PABPC4L: variants seen among roughly 807,000 people sequenced by gnomAD.
PABPC4L encodes polyadenylate-binding protein 4-like.
For missense variants in PABPC4L, 452 were observed against 451.4 expected, an observed-to-expected ratio of 1.00 and a Z score of -0.01; for synonymous variants, 169 against 164.1, an observed-to-expected ratio of 1.03 and a Z score of -0.23.
chr4:133,988,391 A>T, the PABPC4L span, among the ~76,000 whole-genome samples: 1 of 152,222 alleles, frequency 6.6e-6, no homozygotes, highest in African/African-American at 2.4e-5. Context: ...GGGTACAGGT[A>T]TTGGGTAAAT....
the PABPC4L span, among the ~76,000 whole-genome samples, chr4:133,960,857 A>G: frequency 1.3e-5 from 2 of 151,740 alleles, no homozygotes; most frequent in African/African-American, 4.8e-5. Context: ...TAGGTACACA[A>G]CTCCATTGAC....
chr4:134,085,146 C>G, the PABPC4L span, among the ~76,000 whole-genome samples: 1 of 152,026 alleles, frequency 6.6e-6, no homozygotes, highest in Non-Finnish European at 1.5e-5. Flanking sequence ...TCATGTGGGA[C>G]CAGCAGTCCA....
chr4:133,958,767 T>C, the PABPC4L span, among the ~76,000 whole-genome samples: 2 of 152,156 alleles, frequency 1.3e-5, no homozygotes, highest in Non-Finnish European at 2.9e-5. Context: ...AGAATTCACT[T>C]ACTATCACAA....
chr4:134,015,308 A>C, the PABPC4L span, among the ~76,000 whole-genome samples: 9 of 152,094 alleles, frequency 5.9e-5, no homozygotes, highest in African/African-American at 2.2e-4. Context: ...TCAGGATCTG[A>C]GCCTTATCAA....
At chr4:133,968,896 T>C in the PABPC4L span, among the ~76,000 whole-genome samples, 1 of 152,184 alleles carries the variant, frequency 6.6e-6, no homozygotes, top group Admixed American at 6.5e-5. Context: ...TTTTCATTTA[T>C]AAAATATGCA....
the PABPC4L span, among the ~76,000 whole-genome samples, chr4:133,978,578 G>T: frequency 6.6e-6 from 1 of 151,794 alleles, no homozygotes; most frequent in Non-Finnish European, 1.5e-5. Flanking sequence ...TGTGTGTGTT[G>T]TGTGTATCTC....
At chr4:133,998,251 T>C in the PABPC4L span, among the ~76,000 whole-genome samples, 2 of 151,938 alleles carry the variant, frequency 1.3e-5, no homozygotes, top group Non-Finnish European at 2.9e-5. Context: ...CTTCAGAATA[T>C]GATATATTTA....
chr4:134,084,856 A>G, the PABPC4L span, among the ~76,000 whole-genome samples: 1 of 152,114 alleles, frequency 6.6e-6, no homozygotes, highest in Non-Finnish European at 1.5e-5. Flanking sequence ...GAATCTCATC[A>G]CAAGACAGGG....
chr4:134,124,875 G>A, the PABPC4L span, among the ~76,000 whole-genome samples: 1 of 152,024 alleles, frequency 6.6e-6, no homozygotes. Flanking sequence ...TGTCAGGCAG[G>A]TACTGATAGT....
the PABPC4L span, among the ~76,000 whole-genome samples, chr4:134,127,564 G>A: frequency 6.6e-6 from 1 of 152,078 alleles, no homozygotes; most frequent in Non-Finnish European, 1.5e-5. Flanking sequence ...AATCACATCA[G>A]TATGGCTCTC....
chr4:134,099,425 C>CA, the PABPC4L span, among the ~76,000 whole-genome samples: 3 of 151,634 alleles, frequency 2.0e-5, no homozygotes, highest in East Asian at 3.9e-4. Flanking sequence ...TCCTCATTTA[C>CA]AAAAAAACTG....
At chr4:134,083,123 A>G in the PABPC4L span, among the ~76,000 whole-genome samples, 1 of 152,172 alleles carries the variant, frequency 6.6e-6, no homozygotes. Context: ...AATTGTTAAG[A>G]ACCTACTATT....
the PABPC4L span, among the ~76,000 whole-genome samples, chr4:134,149,535 C>T: frequency 1.3e-5 from 2 of 152,082 alleles, no homozygotes; most frequent in Non-Finnish European, 2.9e-5. Context: ...GGTTGCAGCT[C>T]CTTTGATGTT....
chr4:134,038,326 A>C, the PABPC4L span, among the ~76,000 whole-genome samples: 1 of 152,038 alleles, frequency 6.6e-6, no homozygotes, highest in Admixed American at 6.6e-5. Context: ...TCAGGATGAT[A>C]CTGGCCTCGT....
chr4:133,959,903 A>T, the PABPC4L span, among the ~76,000 whole-genome samples: 2 of 152,232 alleles, frequency 1.3e-5, no homozygotes, highest in African/African-American at 2.4e-5. Flanking sequence ...AAATTGGCTG[A>T]CGTATTTAAA....
At chr4:134,186,714 C>A in the PABPC4L span, among the ~76,000 whole-genome samples, 1 of 152,088 alleles carries the variant, frequency 6.6e-6, no homozygotes. Context: ...AACTAAAGAG[C>A]TTCTGCACAG....
At chr4:133,951,043 C>T in the PABPC4L span, among the ~76,000 whole-genome samples, 1 of 152,170 alleles carries the variant, frequency 6.6e-6, no homozygotes, top group Non-Finnish European at 1.5e-5. Flanking sequence ...TTTGGGCTCA[C>T]CAGCCATTAG....
At chr4:134,102,518 T>C in the PABPC4L span, among the ~76,000 whole-genome samples, 9 of 151,490 alleles carry the variant, frequency 5.9e-5, no homozygotes, top group East Asian at 1.7e-3. Flanking sequence ...TAATGTCCAG[T>C]CAACTTTGGA....
chr4:133,964,589 A>G, the PABPC4L span, among the ~76,000 whole-genome samples: 1 of 152,296 alleles, frequency 6.6e-6, no homozygotes, highest in Non-Finnish European at 1.5e-5. Context: ...AGCTAACTGA[A>G]TCCAACCACA....
Sources: allele counts gnomAD v4.1 joint callset (sites outside exome capture counted in the v4.1 genomes callset), GRCh38; gene constraint gnomAD v4.1.1; transcripts MANE v1.5; gene names NCBI Gene and HGNC (gene_info 2026-07-23, HGNC 2026-07-21).